Variants in CASP10 observed in about 807,000 individuals in gnomAD.
The protein encoded by CASP10 is caspase-10.
Under a neutral mutation model 48.5 loss-of-function variants are expected in CASP10, and 41 were observed. The observed-to-expected ratio is 0.85, with a 90% CI of 0.66 to 1.10. The LOEUF is 1.10. CASP10 is among the 50% of genes least tolerant of loss of function. The pLI is 0.00. For missense variants in CASP10, 614 were observed against 614.5 expected (o/e 1.00, Z 0.01); for synonymous variants, 232 against 238.4 (o/e 0.97, Z 0.25).
At chr2:201,209,912 A>G (rs1374838118) in intron 9 of CASP10, among the ~76,000 whole-genome samples, 1 of 152,222 alleles carries the variant, frequency 6.6e-6, no homozygotes, top group African/African-American at 2.4e-5. Flanking sequence ...GGATAGACAA[A>G]CAAATAGACG....
intron 2 of CASP10, 161 bp from the exon 3 acceptor site, chr2:201,187,545 C>T (rs186304870): frequency 4.9e-5 from 34 of 690,324 alleles, no homozygotes; most frequent in African/African-American, 3.7e-4. Context: ...CACTTAGAAA[C>T]TGAAAGTTTT....
intron 3 of CASP10, among the ~76,000 whole-genome samples, chr2:201,189,116 C>G (rs1300727905): frequency 6.6e-6 from 1 of 152,050 alleles, no homozygotes; most frequent in Non-Finnish European, 1.5e-5. Context: ...AGGTGATCCA[C>G]CCGTCTCGGC....
Position 201,190,711 on chromosome 2 carries a change from A to G in CASP10, c.442-2273A>G, listed in dbSNP as rs760561652. On this transcript the variant is annotated intron_variant, in intron 3 of 9. Coordinates refer to ENST00000286186, the MANE Select transcript of CASP10 (RefSeq NM_032977.4). ...AGGTGGCGGGTGAGGGACGAGAGAA[A>G]GGTCATTTGTTAAAGCAATCTCTGA... Among the ~76,000 whole-genome samples, 3 of 152,174 alleles carry G rather than the reference A, an allele frequency of 2.0e-5. 1 individual carries two copies. The highest frequency in any genetic ancestry group is 4.4e-5 in the Non-Finnish European group (3 of 68,040).
chr2:201,196,019 C>T, intron 5 of CASP10, 71 bp downstream of exon 5: 1 of 1,024,106 alleles, frequency 9.8e-7, no homozygotes, highest in Non-Finnish European at 1.5e-6. Flanking sequence ...CCCTGCCACC[C>T]CAAAAAAGAA....
intron 9 of CASP10, among the ~76,000 whole-genome samples, chr2:201,228,003 G>C (rs917898112): frequency 1.3e-5 from 2 of 151,970 alleles, no homozygotes; most frequent in Non-Finnish European, 2.9e-5. Context: ...GCACTCTATT[G>C]GATAAGGCTG....
intron 5 of CASP10, among the ~76,000 whole-genome samples, chr2:201,202,076 T>C (rs1347178388): frequency 6.6e-6 from 1 of 152,000 alleles, no homozygotes. Context: ...GGTCTCGAAC[T>C]CCTGACCTCA....
Position 201,216,037 on chromosome 2 carries a change from G to A in CASP10, c.1416-1551G>A, listed in dbSNP as rs80036017. Among the ~76,000 whole-genome samples the A allele has an allele frequency of 8.5e-3, 1,292 of 152,010 alleles. 5 individuals carry two copies. Among genetic ancestry groups the A allele is most frequent in the Non-Finnish European group, 0.013 (883 of 67,976 alleles). On this transcript the variant is annotated intron_variant, in intron 9 of 9. Transcript: ENST00000286186. ...TAACAAGATTATTCTTCTAACCCAT[G>A]AACACGAGATATCTTTCCATTTATT...
intron 9 of CASP10, among the ~76,000 whole-genome samples, chr2:201,228,057 A>G (rs1042957823): frequency 9.2e-5 from 14 of 151,436 alleles, no homozygotes; most frequent in African/African-American, 3.4e-4. Context: ...CTTTAGAGAC[A>G]GGGCATGGTG....
intron 4 of CASP10, among the ~76,000 whole-genome samples, chr2:201,194,666 C>T (rs1944726593): frequency 6.6e-6 from 1 of 152,172 alleles, no homozygotes; most frequent in Non-Finnish European, 1.5e-5. Context: ...ATAAAGTAAA[C>T]ATAGGGCAAG....
In CASP10 at chr2:201,187,753, A is replaced by C. The variant is rs764340434; in HGVS notation, c.395A>C (p.Lys132Thr). 1 of 1,614,162 alleles carries C rather than the reference A, an allele frequency of 6.2e-7. No homozygotes were observed. Among genetic ancestry groups the C allele is most frequent in the South Asian group, 1.1e-5 (1 of 91,088 alleles). Residue 132 changes from lysine (K) to threonine (T), a missense_variant, in exon 3 of 10, where the codon AAG (lysine) becomes ACG (threonine). Transcript: ENST00000286186. Reference protein sequence around the residue: ...LSEGIDSENLKDMIFLLKDSL... With the variant: ...LSEGIDSENLTDMIFLLKDSL... ...GAAGGCATTGACTCAGAGAACTTAA[A>C]GGACATGATCTTCCTTCTGAAAGAC...
chr2:201,216,367 T>C (rs1444928888), intron 9 of CASP10, among the ~76,000 whole-genome samples: 2 of 151,818 alleles, frequency 1.3e-5, no homozygotes, highest in African/African-American at 4.8e-5. Context: ...AGATCCTGTC[T>C]CTAACAAAAA....
In CASP10 at chr2:201,209,428, G is replaced by A. The variant is rs1467444320; in HGVS notation, c.1281G>A (p.Gln427=). Residue 427 remains glutamine (Q), a synonymous_variant, in exon 9 of 10, where the codon CAG becomes CAA. Coordinates refer to ENST00000286186, the MANE Select transcript of CASP10 (RefSeq NM_032977.4). The part of the protein sequence containing the change: ...LNPEQAPTSL[Q]DSIPAEADFL... ...CTGAGCAGGCACCCACTTCCCTGCA[G>A]GACAGTATTCCTGCCGAGGCTGACT... 2 of 1,614,028 alleles carry A rather than the reference G, an allele frequency of 1.2e-6. No individual in the cohort carries two copies. The highest frequency in any genetic ancestry group is 2.7e-5 in the African/African-American group (2 of 74,908).
intron 5 of CASP10, chr2:201,200,407 A>C (rs770211812): frequency 2.5e-6 from 4 of 1,587,616 alleles, no homozygotes; most frequent in South Asian, 2.2e-5. Context: ...GGCTCTCAGC[A>C]TTCTACTGTA....
intron 9 of CASP10, among the ~76,000 whole-genome samples, chr2:201,216,819 A>G (rs900798447): frequency 1.3e-5 from 2 of 152,182 alleles, no homozygotes; most frequent in African/African-American, 4.8e-5. Context: ...ACAATTTAAA[A>G]TTGAATGTGT....
downstream of CASP10, among the ~76,000 whole-genome samples, chr2:201,224,669 G>C (rs1945766371): frequency 6.6e-6 from 1 of 152,086 alleles, no homozygotes; most frequent in Non-Finnish European, 1.5e-5. Flanking sequence ...TGTCTCAGTA[G>C]GTCTCATTTT....
chr2:201,206,598 G>GTATATA (rs112932298), intron 7 of CASP10, among the ~76,000 whole-genome samples: 48 of 145,442 alleles, frequency 3.3e-4, no homozygotes, highest in Admixed American at 6.2e-4. Context: ...TATATTAAGT[G>GTATATA]TATATATATA....
At chr2:201,199,607 C>G (rs1944940194) in intron 5 of CASP10, among the ~76,000 whole-genome samples, 1 of 140,036 alleles carries the variant, frequency 7.1e-6, no homozygotes, top group African/African-American at 2.7e-5. Context: ...CTGAGTCTCA[C>G]CCTGTCACCC....
chr2:201,186,328 C>T lies in CASP10; in HGVS notation c.347+204C>T, dbSNP rs2126005931. 1.1e-5 allele frequency: 6 copies of T among 562,184 alleles called. 1 individual carries two copies. The highest frequency in any genetic ancestry group is 1.0e-4 in the South Asian group (5 of 50,120). 34.8% of individuals were successfully genotyped at this position (562,184 alleles called of 1,614,324 possible). A position where few individuals can be genotyped will look rare whatever the true frequency, so the allele number is the denominator to read the frequency against. Reference sequence around the variant, plus strand: ...GGTCAGCAAAGCTTCAAGACCAAGCCCTGGGCCCAGAGGTGGCTTCCCTTT... The same window carrying T: ...GGTCAGCAAAGCTTCAAGACCAAGCTCTGGGCCCAGAGGTGGCTTCCCTTT... On this transcript the variant is annotated intron_variant, in intron 2 of 9. Transcript: ENST00000286186.
intron 7 of CASP10, among the ~76,000 whole-genome samples, chr2:201,206,517 TTA>T (rs531189320): frequency 1.3e-5 from 2 of 148,438 alleles, no homozygotes; most frequent in Admixed American, 1.4e-4. Flanking sequence ...TCAGCCATCT[TTA>T]TATATATATG....
Sources: allele counts gnomAD v4.1 joint callset (sites outside exome capture counted in the v4.1 genomes callset), GRCh38; gene constraint gnomAD v4.1.1; transcripts MANE v1.5; gene names NCBI Gene and HGNC (gene_info 2026-07-23, HGNC 2026-07-21).